Variants in ANKRD44 observed in about 807,000 individuals in gnomAD.
The protein encoded by ANKRD44 is ankyrin repeat domain 44, also known as serine/threonine-protein phosphatase 6 regulatory ankyrin repeat subunit B.
Under a neutral mutation model 116.0 loss-of-function variants are expected in ANKRD44, and 35 were observed. That is an observed-to-expected ratio of 0.30 (90% confidence interval 0.23 to 0.40). The LOEUF is 0.40. Among genes scored for constraint, ANKRD44 ranks in the 10% least tolerant of loss-of-function variants. The pLI is 1.00. For missense variants in ANKRD44, 1,014 were observed against 1,242.6 expected, an observed-to-expected ratio of 0.82 and a Z score of 2.77; for synonymous variants, 435 against 461.8, an observed-to-expected ratio of 0.94 and a Z score of 0.74.
At chr2:197,161,984 G>A (rs993210915) in intron 2 of ANKRD44, among the ~76,000 whole-genome samples, 3 of 152,068 alleles carry the variant, frequency 2.0e-5, no homozygotes, top group African/African-American at 7.2e-5. Flanking sequence ...CCATGCTACG[G>A]TCTCGTGACT....
At chr2:197,053,741 C>T (rs1249556608) in intron 16 of ANKRD44, among the ~76,000 whole-genome samples, 1 of 152,210 alleles carries the variant, frequency 6.6e-6, no homozygotes, top group Non-Finnish European at 1.5e-5. Context: ...CCTTGGCCTC[C>T]CAAAGTGCTG....
intron 16 of ANKRD44, among the ~76,000 whole-genome samples, chr2:197,052,925 T>G (rs901174326): frequency 6.6e-6 from 1 of 152,186 alleles, no homozygotes; most frequent in African/African-American, 2.4e-5. Context: ...ATCCCAGCAC[T>G]TTGGGAGGCC....
chr2:197,092,923 C>A (rs1351388920), intron 10 of ANKRD44, among the ~76,000 whole-genome samples: 3 of 151,728 alleles, frequency 2.0e-5, no homozygotes, highest in African/African-American at 7.3e-5. Context: ...TGTGATTTTA[C>A]CTAATCATTT....
intron 20 of ANKRD44, among the ~76,000 whole-genome samples, chr2:197,007,002 G>C (rs576474609): frequency 3.3e-5 from 5 of 152,038 alleles, no homozygotes; most frequent in Admixed American, 6.6e-5. Flanking sequence ...TTACTGGGGG[G>C]AGTTGAGGTG....
At chr2:197,142,472 G>A (rs1316972145) in intron 3 of ANKRD44, among the ~76,000 whole-genome samples, 2 of 152,076 alleles carry the variant, frequency 1.3e-5, no homozygotes, top group East Asian at 3.9e-4. Flanking sequence ...AAATCATACA[G>A]CACAGGAGCG....
chr2:196,986,557 T>A (rs548352657), downstream of ANKRD44: 16 of 328,634 alleles, frequency 4.9e-5, no homozygotes, highest in Non-Finnish European at 1.7e-5. Context: ...TACACTTTTA[T>A]CTTGATTATT....
At chr2:197,062,529 G>A (rs186615895) in intron 16 of ANKRD44, among the ~76,000 whole-genome samples, 14 of 152,336 alleles carry the variant, frequency 9.2e-5, no homozygotes, top group African/African-American at 2.9e-4. Flanking sequence ...CAAGCAGGGC[G>A]AGGCATCGCC....
At chr2:197,269,442 G>C (rs1378248613) in intron 1 of ANKRD44, among the ~76,000 whole-genome samples, 3 of 152,186 alleles carry the variant, frequency 2.0e-5, no homozygotes, top group Non-Finnish European at 2.9e-5. Context: ...TCAATTCTTA[G>C]ATATCTCGAG....
At chr2:197,101,655 A>G (rs2125232243) in intron 9 of ANKRD44, among the ~76,000 whole-genome samples, 1 of 152,332 alleles carries the variant, frequency 6.6e-6, no homozygotes, top group Admixed American at 6.5e-5. Context: ...CTGTCAGTAC[A>G]CTTACTGCAA....
At chr2:197,235,186 G>C (rs1441525633) in intron 1 of ANKRD44, among the ~76,000 whole-genome samples, 1 of 152,188 alleles carries the variant, frequency 6.6e-6, no homozygotes, top group African/African-American at 2.4e-5. Context: ...ATTTAAGCTA[G>C]GTCTTGGGTT....
intron 1 of ANKRD44, among the ~76,000 whole-genome samples, chr2:197,274,617 G>C (rs145505826): frequency 6.6e-6 from 1 of 152,092 alleles, no homozygotes; most frequent in Non-Finnish European, 1.5e-5. Context: ...CTTTTCCCTC[G>C]GCCCAGTCCT....
chr2:196,969,906 T>A (rs1190090977), intron 21 of ANKRD44, among the ~76,000 whole-genome samples: 1 of 152,202 alleles, frequency 6.6e-6, no homozygotes, highest in East Asian at 1.9e-4. Context: ...GAATATATCC[T>A]TTTAGGAACA....
chr2:197,181,623 G>C (rs2080508096), intron 2 of ANKRD44, among the ~76,000 whole-genome samples: 1 of 152,158 alleles, frequency 6.6e-6, no homozygotes, highest in African/African-American at 2.4e-5. Context: ...TGAACCATTA[G>C]CAATGTTGGC....
chr2:197,096,949 G>C lies in ANKRD44; in HGVS notation c.1100+2867C>G, dbSNP rs148482326. 2.5e-3 allele frequency among the ~76,000 whole-genome samples: 380 copies of C among 152,092 alleles called. 1 individual carries two copies. The highest frequency in any genetic ancestry group is 0.016 in the East Asian group (85 of 5,176). On this transcript the variant is annotated intron_variant, in intron 10 of 27. Transcript: ENST00000282272. ...CCATTGTCACTGAAGGTAGCATGTC[G>C]CATCCCCAGATAGTTGTGACAAAGA...
intron 1 of ANKRD44, among the ~76,000 whole-genome samples, chr2:197,267,016 C>G (rs189782221): frequency 6.6e-6 from 1 of 152,184 alleles, no homozygotes; most frequent in African/African-American, 2.4e-5. Context: ...AACATATTCT[C>G]AGCACCTAGA....
chr2:197,028,868 C>T (rs567848430), intron 16 of ANKRD44: 7 of 185,636 alleles, frequency 3.8e-5, no homozygotes, highest in African/African-American at 1.2e-4. Flanking sequence ...CTACCACAGG[C>T]GTCTTCCTAC....
chr2:197,261,744 G>A (rs573749705), intron 1 of ANKRD44, among the ~76,000 whole-genome samples: 7 of 152,152 alleles, frequency 4.6e-5, no homozygotes, highest in East Asian at 1.9e-4. Context: ...GAGACTTTTC[G>A]TTGCTAAACA....
At chr2:197,306,503 A>T (rs897266141) in intron 1 of ANKRD44, among the ~76,000 whole-genome samples, 3 of 152,234 alleles carry the variant, frequency 2.0e-5, no homozygotes, top group Admixed American at 6.5e-5. Context: ...ATGAAACACC[A>T]GCCTCAAGTG....
At chr2:196,980,844 A>G (rs890731921) in intron 21 of ANKRD44, among the ~76,000 whole-genome samples, 4 of 152,256 alleles carry the variant, frequency 2.6e-5, no homozygotes, top group Non-Finnish European at 5.9e-5. Context: ...TCAGCCTGAC[A>G]GTAAATCAGC....
Sources: gnomAD v4.1 joint callset for allele counts (sites outside exome capture counted in the v4.1 genomes callset) on GRCh38, gnomAD v4.1.1 for gene constraint, MANE v1.5 for transcripts, NCBI Gene and HGNC (gene_info 2026-07-23, HGNC 2026-07-21) for gene names.